Variants in SFSWAP observed in about 807,000 individuals in gnomAD.
SFSWAP encodes splicing factor, suppressor of white-apricot homolog.
A neutral mutation model predicts 100.7 loss-of-function variants in SFSWAP; 17 were observed. The observed-to-expected ratio is 0.17, with a 90% CI of 0.12 to 0.25. The LOEUF (loss-of-function observed/expected upper bound fraction) is 0.25. Among genes scored for constraint, SFSWAP ranks in the 10% least tolerant of loss-of-function variants. The pLI is 1.00. For synonymous variants in SFSWAP, 504 were observed against 510.1 expected (o/e 0.99, Z 0.16); for missense variants, 1,005 against 1,262.6 (o/e 0.80, Z 3.09).
At position 131,711,882 on chromosome 12, in the gene SFSWAP, G is replaced by A. The variant is rs1877389741; in HGVS notation, c.218+435G>A. Reference sequence around the variant, plus strand: ...GGTGTACTGGGAGGGTACCCTGGGAGGCGTGCCTTTATTCTTCCGAACCGC... The same window carrying A: ...GGTGTACTGGGAGGGTACCCTGGGAAGCGTGCCTTTATTCTTCCGAACCGC... On this transcript the variant is annotated intron_variant, in intron 1 of 17. Transcript: ENST00000261674. The surrounding 1 kb of genome is among the most constrained non-coding windows in gnomAD (Gnocchi z 4.9). 1 of 183,036 alleles carries A rather than the reference G, an allele frequency of 5.5e-6. No homozygotes were observed. The allele number at this position is 183,036 out of a possible 1,614,324, so 11.3% of individuals were successfully genotyped here.
rs142455080 is a variant in SFSWAP, at chr12:131,766,104, G to C, written c.1952-14G>C. The C allele has an allele frequency of 5.0e-4, 792 of 1,586,688 alleles. 18 individuals carry two copies. In the East Asian group the frequency reaches 0.017, roughly 35 times the overall value. ...TGCTCTAAACTTCTCTTTTTTCTTT[G>C]TTTATTCCTTAAGCAAAGCAAAAGC... is the stretch of plus-strand genomic sequence containing the variant. On this transcript the variant is annotated splice_polypyrimidine_tract_variant and intron_variant, in intron 12 of 17. Coordinates refer to ENST00000261674, the MANE Select transcript of SFSWAP (RefSeq NM_004592.4).
chr12:131,753,439 T>A lies in SFSWAP; in HGVS notation c.1322+76T>A, dbSNP rs549379621. 8.4e-5 allele frequency: 126 copies of A among 1,503,482 alleles called. No individual in the cohort carries two copies. In the African/African-American group the frequency reaches 1.6e-3, roughly 19 times the overall value. 93.1% of individuals were successfully genotyped at this position (1,503,482 alleles called of 1,614,324 possible). A position where few individuals can be genotyped will look rare whatever the true frequency, so the allele number is the denominator to read the frequency against. ...GTCACTGGGGCCGTCTGTGTCTCCA[T>A]GGGGGGCTTGTAATCTAGATCATAT... On this transcript the variant is annotated intron_variant, in intron 8 of 17. Transcript: ENST00000261674.
chr12:131,719,377 TC>T (rs1878245736), intron 3 of SFSWAP, 76 bp from the exon 4 acceptor site: 1 of 1,014,422 alleles, frequency 9.9e-7, no homozygotes, highest in Admixed American at 1.8e-5. Flanking sequence ...GTCACATGCT[TC>T]CATCTTGCTG....
Position 131,728,313 on chromosome 12 carries a change from A to G in SFSWAP, c.966A>G (p.Pro322=). The stretch of plus-strand genomic sequence containing the variant: ...TCCAGCCCTTGAAGGTAGTGGACCC[A>G]GATCATCCCCTCGCAGCACTTGTTC... ...ELMKPLKVVD[P]DHPLAALVRK... The change falls in exon 7 of 18, where the codon CCA becomes CCG. Residue 322 remains proline (P), a synonymous_variant. Coordinates refer to ENST00000261674, the MANE Select transcript of SFSWAP (RefSeq NM_004592.4). 6.2e-7 allele frequency: 1 copy of G among 1,614,248 alleles called. No homozygotes were observed. The highest frequency in any genetic ancestry group is 1.6e-4 in the Middle Eastern group (1 of 6,062).
chr12:131,777,079 A>G (rs908332430), intron 13 of SFSWAP, among the ~76,000 whole-genome samples: 1 of 152,104 alleles, frequency 6.6e-6, no homozygotes, highest in African/African-American at 2.4e-5. Flanking sequence ...AAAACCTAAC[A>G]TCGGAGGTTT....
chr12:131,748,456 A>G (rs1881335734), intron 7 of SFSWAP, among the ~76,000 whole-genome samples: 1 of 152,160 alleles, frequency 6.6e-6, no homozygotes, highest in African/African-American at 2.4e-5. Context: ...CACCCTGGCC[A>G]GCCTATTTTC....
At chr12:131,722,280 G>T (rs1293240052) in intron 4 of SFSWAP, among the ~76,000 whole-genome samples, 3 of 152,192 alleles carry the variant, frequency 2.0e-5, no homozygotes, top group East Asian at 3.8e-4. Flanking sequence ...CAGCACCCCA[G>T]GCTGGGTACA....
rs554747201 is a variant in SFSWAP, at chr12:131,754,555, C to CT, written c.1454+63dup. ...ATGGCATTTGGGGGTTTCGTTTAGC[C>CT]TTTTTTTAAAAAAATGTAGGTACAG... On this transcript the variant is annotated intron_variant, in intron 9 of 17. Transcript: ENST00000261674. The CT allele has an allele frequency of 1.4e-3, 1,723 of 1,270,344 alleles. 3 individuals carry two copies. The highest frequency in any genetic ancestry group is 2.0e-3 in the Admixed American group (65 of 32,498). The allele number at this position is 1,270,344 out of a possible 1,614,324, so 78.7% of individuals were successfully genotyped here.
intron 16 of SFSWAP, among the ~76,000 whole-genome samples, 156 bp downstream of exon 16, chr12:131,797,516 C>T (rs1242594177): frequency 1.3e-5 from 2 of 152,256 alleles, no homozygotes; most frequent in African/African-American, 2.4e-5. Context: ...GCAAGGAAGT[C>T]GCCCTAGATG....
intron 7 of SFSWAP, among the ~76,000 whole-genome samples, chr12:131,740,621 T>G (rs1425746866): frequency 6.6e-6 from 1 of 152,198 alleles, no homozygotes; most frequent in Non-Finnish European, 1.5e-5. Context: ...CTGTGCTCCC[T>G]GTGTTTCTCT....
chr12:131,760,277 A>C (rs1036059959), intron 11 of SFSWAP, among the ~76,000 whole-genome samples: 1 of 152,226 alleles, frequency 6.6e-6, no homozygotes, highest in Non-Finnish European at 1.5e-5. Flanking sequence ...GTAACTGCTA[A>C]TACATAAAAA....
intron 15 of SFSWAP, among the ~76,000 whole-genome samples, chr12:131,789,562 C>T (rs1885111391): frequency 6.6e-6 from 1 of 152,162 alleles, no homozygotes; most frequent in South Asian, 2.1e-4. Flanking sequence ...AATAAACACC[C>T]ATATGCATAA....
chr12:131,753,375 G>A lies in SFSWAP; in HGVS notation c.1322+12G>A, dbSNP rs199526989. 649 of 1,605,510 alleles carry A rather than the reference G, an allele frequency of 4.0e-4. 1 individual carries two copies. The highest frequency in any genetic ancestry group is 2.2e-3 in the South Asian group (201 of 90,374). ...ACCACCACCACAAGGTAGGTGCAGC[G>A]TCCACCGCTGCCTGCTGTGTGAGTC... On this transcript the variant is annotated intron_variant, in intron 8 of 17. Transcript: ENST00000261674.
intron 13 of SFSWAP, among the ~76,000 whole-genome samples, chr12:131,771,375 C>T (rs1012403747): frequency 8.5e-5 from 13 of 152,158 alleles, no homozygotes; most frequent in African/African-American, 1.7e-4. Flanking sequence ...TGAACGATGC[C>T]GCTTTCACCC....
At chr12:131,720,363 G>A (rs1177118101) in intron 4 of SFSWAP, among the ~76,000 whole-genome samples, 1 of 152,164 alleles carries the variant, frequency 6.6e-6, no homozygotes, top group African/African-American at 2.4e-5. Context: ...AATAGCAACT[G>A]GGAACGTTGG....
chr12:131,753,714 A>C (rs138489176), intron 8 of SFSWAP, among the ~76,000 whole-genome samples: 95 of 152,366 alleles, frequency 6.2e-4, no homozygotes, highest in African/African-American at 2.2e-3. Context: ...TTTGCAAAAC[A>C]TGCAGGTTCA....
chr12:131,742,633 C>CT (rs35922926), intron 7 of SFSWAP, among the ~76,000 whole-genome samples: 69 of 142,418 alleles, frequency 4.8e-4, no homozygotes, highest in African/African-American at 6.8e-4. Flanking sequence ...TGTTGGGGGA[C>CT]TTTTTTTTTT....
At chr12:131,768,045 T>G (rs1883261954) in intron 13 of SFSWAP, among the ~76,000 whole-genome samples, 1 of 152,242 alleles carries the variant, frequency 6.6e-6, no homozygotes, top group African/African-American at 2.4e-5. Flanking sequence ...ATGCGCGTGC[T>G]CGCTCATCTA....
intron 13 of SFSWAP, among the ~76,000 whole-genome samples, chr12:131,767,744 A>G (rs1461088042): frequency 1.3e-5 from 2 of 152,208 alleles, no homozygotes; most frequent in African/African-American, 2.4e-5. Context: ...AGAAAATCAG[A>G]CACCACATGT....
Sources: gnomAD v4.1 joint callset for allele counts (sites outside exome capture counted in the v4.1 genomes callset) on GRCh38, gnomAD v4.1.1 for gene constraint, Gnocchi (gnomAD v3.1) non-coding constraint, MANE v1.5 for transcripts, NCBI Gene and HGNC (gene_info 2026-07-23, HGNC 2026-07-21) for gene names.